The following KCNQ1 variants were observed in gnomAD, a reference collection of about 807,000 sequenced individuals.
The protein encoded by KCNQ1 is potassium voltage-gated channel subfamily KQT member 1.
In KCNQ1, 49 loss-of-function variants were observed where a neutral mutation model predicts 72.4. The observed-to-expected ratio is 0.68, with a 90% CI of 0.54 to 0.86. The LOEUF is 0.86. Among genes scored for constraint, KCNQ1 ranks in the 40% least tolerant of loss-of-function variants. KCNQ1 has a pLI of 0.00. For synonymous variants in KCNQ1, 450 were observed against 412.6 expected, an observed-to-expected ratio of 1.09 and a Z score of -1.10; for missense variants, 790 against 945.1, an observed-to-expected ratio of 0.84 and a Z score of 2.15.
chr11:2,609,829 G>C (rs1437830331), intron 10 of KCNQ1: 1 of 397,892 alleles, frequency 2.5e-6, no homozygotes, highest in African/African-American at 2.1e-5. Context: ...CTTTATTATA[G>C]CACTTCAGGT....
intron 15 of KCNQ1, among the ~76,000 whole-genome samples, chr11:2,811,784 G>A: frequency 6.6e-6 from 1 of 152,226 alleles, no homozygotes; most frequent in Non-Finnish European, 1.5e-5. Flanking sequence ...GCTGGGATGG[G>A]TGGAGACCAC....
At chr11:2,622,653 T>C (rs1416617118) in intron 10 of KCNQ1, 2 of 398,518 alleles carry the variant, frequency 5.0e-6, no homozygotes, top group East Asian at 3.6e-5. Context: ...GTTTGATGAT[T>C]TTCTGATAGT....
Position 2,613,904 on chromosome 11 carries a change from A to G in KCNQ1, c.1393+25050A>G. On this transcript the variant is annotated intron_variant, in intron 10 of 15. Transcript: ENST00000155840. This position sits in a 1 kb window ranked among gnomAD's most constrained non-coding sequence, Gnocchi z 4.8. ...TGATTATTTTCTCATTTCCCAAAAA[A>G]GTACTATTCTGTATATGCCCTTTTG... The G allele has an allele frequency of 2.5e-6, 1 of 398,600 alleles. No homozygotes were observed. The highest frequency in any genetic ancestry group is 3.6e-5 in the East Asian group (1 of 28,070). The allele number at this position is 398,600 out of a possible 1,614,324, so 24.7% of individuals were successfully genotyped here.
At chr11:2,794,526 G>A (rs980393279) in intron 15 of KCNQ1, among the ~76,000 whole-genome samples, 1 of 152,202 alleles carries the variant, frequency 6.6e-6, no homozygotes, top group Non-Finnish European at 1.5e-5. Context: ...GCACAGGGGA[G>A]AAGCAGGCTC....
rs1262522713 is a variant in KCNQ1, at chr11:2,764,727, A to G, written c.1515-4117A>G. On this transcript the variant is annotated intron_variant, in intron 11 of 15. Coordinates refer to ENST00000155840, the MANE Select transcript of KCNQ1 (RefSeq NM_000218.3). This position sits in a 1 kb window ranked among gnomAD's most constrained non-coding sequence, Gnocchi z 4.8. ...TTGGATTATTTTTGTTTTTGTGTCT[A>G]CTTTTACATACTGTGTTTTTAAATA... Among the ~76,000 whole-genome samples the G allele has an allele frequency of 6.6e-6, 1 of 152,162 alleles. No homozygotes were observed. The highest frequency in any genetic ancestry group is 1.5e-5 in the Non-Finnish European group (1 of 68,036).
At chr11:2,527,790 A>G in intron 1 of KCNQ1, 138 bp from the exon 2 acceptor site, 2 of 743,006 alleles carry the variant, frequency 2.7e-6, no homozygotes, top group South Asian at 2.9e-5. Context: ...CTTACCAGCT[A>G]ATGGATGACT....
intron 14 of KCNQ1, among the ~76,000 whole-genome samples, 197 bp downstream of exon 14, chr11:2,777,229 G>C (rs906694920): frequency 6.6e-6 from 1 of 152,132 alleles, no homozygotes; most frequent in Non-Finnish European, 1.5e-5. Context: ...TTTTACAAAG[G>C]AATATTCAGG....
intron 1 of KCNQ1, among the ~76,000 whole-genome samples, chr11:2,499,295 C>T (rs1354963783): frequency 6.6e-6 from 1 of 152,020 alleles, no homozygotes; most frequent in Non-Finnish European, 1.5e-5. Context: ...AACCTCAGAT[C>T]TAAAACATAT....
rs1334591421 is a variant in KCNQ1, at chr11:2,515,814, C to T, written c.387-12114C>T. 6.6e-6 allele frequency among the ~76,000 whole-genome samples: 1 copy of T among 152,106 alleles called. No homozygotes were observed. The highest frequency in any genetic ancestry group is 1.5e-5 in the Non-Finnish European group (1 of 68,010). ...AGCACAGAGCCCCGTTCCCAGCAGCCCTCGGCCCTGGGGGGCTTGTGCTCT... is the reference window on the plus strand; with the variant it reads ...AGCACAGAGCCCCGTTCCCAGCAGCTCTCGGCCCTGGGGGGCTTGTGCTCT... On this transcript the variant is annotated intron_variant, in intron 1 of 15. Coordinates refer to ENST00000155840, the MANE Select transcript of KCNQ1 (RefSeq NM_000218.3). This position sits in a 1 kb window ranked among gnomAD's most constrained non-coding sequence, Gnocchi z 4.7.
chr11:2,665,106 C>T (rs988682790), intron 11 of KCNQ1: 6 of 398,396 alleles, frequency 1.5e-5, no homozygotes, highest in African/African-American at 1.2e-4. Flanking sequence ...AGAGTGGCGT[C>T]GCTGCACCCC....
chr11:2,449,899 T>C (rs1565025119), intron 1 of KCNQ1, among the ~76,000 whole-genome samples: 1 of 152,098 alleles, frequency 6.6e-6, no homozygotes, highest in Non-Finnish European at 1.5e-5. Context: ...AGGGATGCTG[T>C]TAACAGGGCA....
intron 15 of KCNQ1, among the ~76,000 whole-genome samples, chr11:2,822,297 A>T (rs1210126016): frequency 1.3e-5 from 2 of 152,182 alleles, no homozygotes; most frequent in Non-Finnish European, 2.9e-5. Flanking sequence ...TTGTGGTAAC[A>T]TGGCACCACA....
Position 2,566,353 on chromosome 11 carries a change from TCCC to T in KCNQ1, c.478-4274_478-4272del, listed in dbSNP as rs891895573. Reference sequence around the variant, plus strand: ...CCTGGCCTCACCTGCCAGTGTCCTCTCCCACACCCGAGGACACCTGTACCTTGT... The same window carrying T: ...CCTGGCCTCACCTGCCAGTGTCCTCTACACCCGAGGACACCTGTACCTTGT... On this transcript the variant is annotated intron_variant, in intron 2 of 15. Coordinates refer to ENST00000155840, the MANE Select transcript of KCNQ1 (RefSeq NM_000218.3). This position sits in a 1 kb window ranked among gnomAD's most constrained non-coding sequence, Gnocchi z 6.7. Among the ~76,000 whole-genome samples, 3 of 152,112 alleles carry T rather than the reference TCCC, an allele frequency of 2.0e-5. No individual in the cohort carries two copies. Among genetic ancestry groups the T allele is most frequent in the African/African-American group, 7.2e-5 (3 of 41,418 alleles).
rs910573594 is a variant in KCNQ1 at position 2,803,830 on chromosome 11, A to G, written c.1794+25793A>G. ...CACCAGCTCCCACCCTGCTATGCCC[A>G]TGGACCCCAGGGTCAGCTTTTATGC... On this transcript the variant is annotated intron_variant, in intron 15 of 15. Transcript: ENST00000155840. The surrounding 1 kb of genome is among the most constrained non-coding windows in gnomAD (Gnocchi z 6.4). 3.3e-5 allele frequency among the ~76,000 whole-genome samples: 5 copies of G among 151,984 alleles called. No individual in the cohort carries two copies. Among genetic ancestry groups the G allele is most frequent in the Admixed American group, 3.3e-4 (5 of 15,258 alleles).
rs74046838 is a variant in KCNQ1, at chr11:2,663,824, T to A, written c.1514+1743T>A. 1,812 of 398,560 alleles carry A rather than the reference T, an allele frequency of 4.5e-3. 25 individuals carry two copies. Among genetic ancestry groups the A allele is most frequent in the African/African-American group, 0.034 (1,654 of 48,720 alleles). The allele number at this position is 398,560 out of a possible 1,614,324, so 24.7% of individuals were successfully genotyped here. A position where few individuals can be genotyped will look rare whatever the true frequency, so the allele number is the denominator to read the frequency against. ...CTATGGGGGTGAGGGCTGCCAGTGCTGGTATCAGCACATGCCAAGCTCCCT... is the reference window on the plus strand; with the variant it reads ...CTATGGGGGTGAGGGCTGCCAGTGCAGGTATCAGCACATGCCAAGCTCCCT... On this transcript the variant is annotated intron_variant, in intron 11 of 15. Coordinates refer to ENST00000155840, the MANE Select transcript of KCNQ1 (RefSeq NM_000218.3). The surrounding 1 kb of genome is among the most constrained non-coding windows in gnomAD (Gnocchi z 5.2).
chr11:2,802,500 G>A (rs566749810), intron 15 of KCNQ1, among the ~76,000 whole-genome samples: 2 of 152,348 alleles, frequency 1.3e-5, no homozygotes, highest in Admixed American at 1.3e-4. Flanking sequence ...CAGGAGCTGG[G>A]GGCCTTGGCT....
In KCNQ1 at chr11:2,671,167, G is replaced by C; in HGVS notation, c.1514+9086G>C. The C allele has an allele frequency of 2.5e-6, 1 of 398,616 alleles. No homozygotes were observed. 24.7% of individuals were successfully genotyped at this position (398,616 alleles called of 1,614,324 possible). A position where few individuals can be genotyped will look rare whatever the true frequency, so the allele number is the denominator to read the frequency against. On this transcript the variant is annotated intron_variant, in intron 11 of 15. Transcript: ENST00000155840. This position sits in a 1 kb window ranked among gnomAD's most constrained non-coding sequence, Gnocchi z 4.7. ...GGCCTGAGGTGCCATCTTAGAAATA[G>C]GGCCTTGTTAGGAGAAAAGGAAAGA...
At position 2,781,152 on chromosome 11, in the gene KCNQ1, T is replaced by C. The variant is rs1299789416; in HGVS notation, c.1794+3115T>C. ...AAGTCACAAAAGCTGCCTCATGCCC[T>C]TTCTGTTTTCATCTTAGATTATTGT... On this transcript the variant is annotated intron_variant, in intron 15 of 15. Transcript: ENST00000155840. The surrounding 1 kb of genome is among the most constrained non-coding windows in gnomAD (Gnocchi z 6.6). 6.6e-6 allele frequency among the ~76,000 whole-genome samples: 1 copy of C among 152,174 alleles called. No homozygotes were observed. The highest frequency in any genetic ancestry group is 1.9e-4 in the East Asian group (1 of 5,180).
rs367735357 is a variant in KCNQ1 at position 2,844,910 on chromosome 11, C to T, written c.1795-2857C>T. Among the ~76,000 whole-genome samples the T allele has an allele frequency of 5.9e-3, 902 of 151,716 alleles. 4 individuals are homozygous for T. Among genetic ancestry groups the T allele is most frequent in the Non-Finnish European group, 8.9e-3 (606 of 67,864 alleles). On this transcript the variant is annotated intron_variant, in intron 15 of 15. Transcript: ENST00000155840. ...ACAGTAAGCCACGCGGGGCAAACCT[C>T]GTTCCACACTACCAGTATGCGGGGC...
Sources: gnomAD v4.1 joint callset for allele counts (sites outside exome capture counted in the v4.1 genomes callset) on GRCh38, gnomAD v4.1.1 for gene constraint, Gnocchi (gnomAD v3.1) non-coding constraint, MANE v1.5 for transcripts, NCBI Gene and HGNC (gene_info 2026-07-23, HGNC 2026-07-21) for gene names.